The following ARHGEF9 variants were observed in gnomAD, a reference collection of about 807,000 sequenced individuals.
ARHGEF9 encodes Cdc42 guanine nucleotide exchange factor 9.
ARHGEF9 carries 2 observed loss-of-function variants against 41.3 expected under a neutral mutation model. That is an observed-to-expected ratio of 0.05 (90% CI 0.02 to 0.15). The LOEUF (loss-of-function observed/expected upper bound fraction) is 0.15, where lower values mean the gene tolerates loss of function less well. ARHGEF9 is among the 10% of genes least tolerant of loss of function. The probability of loss-of-function intolerance (pLI) is 1.00; values close to 1 mark genes in which losing one functional copy is unlikely to be tolerated. For synonymous variants in ARHGEF9, 160 were observed against 154.4 expected (o/e 1.04, Z -0.27); for missense variants, 225 against 424.7 (o/e 0.53, Z 4.13).
chrX:63,748,746 C>A (rs2055428055), intron 1 of ARHGEF9, among the ~76,000 whole-genome samples: 1 of 111,761 alleles, frequency 8.9e-6, no homozygotes, highest in Admixed American at 9.4e-5. Context: ...GGGGACCTGG[C>A]ATGGGTATTT....
intron 9 of ARHGEF9, chrX:63,642,015 C>A (rs2047667530): frequency 8.8e-6 from 1 of 113,139 alleles, no homozygotes; most frequent in Non-Finnish European, 1.8e-5. Context: ...GACTTCCTTG[C>A]TCCTCAGCTT....
Position 63,655,588 on chromosome X carries a change from T to A in ARHGEF9, c.1227A>T (p.Ile409=). 1 of 1,211,564 alleles carries A rather than the reference T, an allele frequency of 8.3e-7. No homozygotes were observed. The highest frequency in any genetic ancestry group is 1.8e-5 in the South Asian group (1 of 56,978). The part of the protein sequence containing the change: ...FKLHNKETEE[I]HLFFAKKLEE... ...CCAGCTTCTTGGCAAAGAACAGATG[T>A]ATCTCCTCAGTCTCCTTGTTGTGAA... Residue 409 remains isoleucine (I), a synonymous_variant, in exon 8 of 10, where the codon ATA becomes ATT. Transcript: ENST00000671741.
chrX:63,778,892 T>C (rs1192000086), intron 1 of ARHGEF9, among the ~76,000 whole-genome samples: 8 of 112,395 alleles, frequency 7.1e-5, no homozygotes, highest in Non-Finnish European at 1.3e-4. Context: ...GTCAAAACCA[T>C]TCAGTGGTTG....
chrX:63,750,468 T>C (rs186990807), intron 1 of ARHGEF9, among the ~76,000 whole-genome samples: 7 of 111,366 alleles, frequency 6.3e-5, no homozygotes, highest in Admixed American at 4.7e-4. Flanking sequence ...CGTCAGAAAC[T>C]ACTACACCAA....
At chrX:63,647,895 G>C (rs2048231123) in intron 8 of ARHGEF9, among the ~76,000 whole-genome samples, 1 of 110,905 alleles carries the variant, frequency 9.0e-6, no homozygotes, top group Non-Finnish European at 1.9e-5. Context: ...ATTAATTATT[G>C]CCTCAATTTT....
chrX:63,776,813 A>G (rs782503999), intron 1 of ARHGEF9, among the ~76,000 whole-genome samples: 1 of 112,001 alleles, frequency 8.9e-6, no homozygotes, highest in Admixed American at 9.5e-5. Flanking sequence ...CCCAAGCTGT[A>G]CGGCACTTTT....
At chrX:63,711,126 A>G (rs1323834173) in intron 2 of ARHGEF9, among the ~76,000 whole-genome samples, 3 of 112,005 alleles carry the variant, frequency 2.7e-5, no homozygotes, top group Non-Finnish European at 5.7e-5. Context: ...GTCTTATACA[A>G]TGAAAACTGC....
intron 8 of ARHGEF9, among the ~76,000 whole-genome samples, chrX:63,648,321 C>T (rs1556319488): frequency 9.0e-6 from 1 of 111,145 alleles, no homozygotes; most frequent in African/African-American, 3.3e-5. Flanking sequence ...AAATAATTTT[C>T]AACCCAGAAT....
chrX:63,697,345 C>T, intron 3 of ARHGEF9, 41 bp from the exon 4 acceptor site: 1 of 1,169,840 alleles, frequency 8.5e-7, no homozygotes, highest in South Asian at 1.8e-5. Context: ...AAGTCCCTGA[C>T]TTCCAGAAGG....
At chrX:63,705,583 C>T (rs1227691721) in intron 3 of ARHGEF9, among the ~76,000 whole-genome samples, 1 of 110,576 alleles carries the variant, frequency 9.0e-6, no homozygotes, top group Non-Finnish European at 1.9e-5. Context: ...AGAGAGACAG[C>T]TCTTGGGGAA....
At chrX:63,756,415 A>T (rs1434993760) in intron 1 of ARHGEF9, among the ~76,000 whole-genome samples, 2 of 112,566 alleles carry the variant, frequency 1.8e-5, no homozygotes, top group African/African-American at 6.5e-5. Flanking sequence ...GAAGATGGAA[A>T]CAATTCAAAT....
At chrX:63,691,831 AAG>A (rs1161481954) in intron 4 of ARHGEF9, among the ~76,000 whole-genome samples, 9 of 111,316 alleles carry the variant, frequency 8.1e-5, no homozygotes, top group Non-Finnish European at 1.7e-4. Flanking sequence ...GTAACCAAAA[AAG>A]CATGGTACTG....
At chrX:63,775,726 A>G (rs190010834) in intron 1 of ARHGEF9, among the ~76,000 whole-genome samples, 1 of 111,948 alleles carries the variant, frequency 8.9e-6, no homozygotes, top group East Asian at 2.8e-4. Flanking sequence ...ATTGAGTAAT[A>G]TGCTTATTAC....
intron 1 of ARHGEF9, among the ~76,000 whole-genome samples, chrX:63,770,598 C>G (rs113511214): frequency 1.6e-3 from 184 of 111,816 alleles, no homozygotes; most frequent in African/African-American, 5.6e-3. Context: ...TGGGAGGGAC[C>G]AAGGGCGGAA....
chrX:63,754,353 C>A, intron 1 of ARHGEF9: 1 of 1,209,470 alleles, frequency 8.3e-7, no homozygotes, highest in Non-Finnish European at 1.1e-6. Context: ...AAAACGTTTT[C>A]CCCCCTGAGT....
intron 9 of ARHGEF9, among the ~76,000 whole-genome samples, chrX:63,643,328 C>T (rs1556308401): frequency 1.8e-5 from 2 of 110,009 alleles, no homozygotes; most frequent in Non-Finnish European, 3.8e-5. Context: ...TGCCTCCAGA[C>T]CGGTGACAGA....
In ARHGEF9 at chrX:63,645,818, T is replaced by C. The variant is rs782008440; in HGVS notation, c.1322-1770A>G. 1.2e-4 allele frequency among the ~76,000 whole-genome samples: 13 copies of C among 112,129 alleles called. No individual in the cohort carries two copies. The South Asian group carries it at 3.4e-3, about 29-fold the overall frequency. On this transcript the variant is annotated intron_variant, in intron 8 of 9. Coordinates refer to ENST00000671741, the MANE Select transcript of ARHGEF9 (RefSeq NM_001353921.2). ...GGAATCACCACACTGACTTCCACAATGGTTGAACTAGTTTACAGTCCCACC... is the reference window on the plus strand; with the variant it reads ...GGAATCACCACACTGACTTCCACAACGGTTGAACTAGTTTACAGTCCCACC...
At chrX:63,757,497 A>T (rs782671215) in intron 1 of ARHGEF9, among the ~76,000 whole-genome samples, 1 of 111,773 alleles carries the variant, frequency 8.9e-6, no homozygotes, top group Non-Finnish European at 1.9e-5. Context: ...TCTCCTGGGA[A>T]TGGCAGTCAC....
intron 8 of ARHGEF9, among the ~76,000 whole-genome samples, chrX:63,647,544 C>T (rs1221584505): frequency 9.0e-6 from 1 of 111,597 alleles, no homozygotes; most frequent in East Asian, 2.8e-4. Flanking sequence ...TATTGATTTG[C>T]ATATGTTGAA....
Sources: gnomAD v4.1 joint callset for allele counts (sites outside exome capture counted in the v4.1 genomes callset) on GRCh38, gnomAD v4.1.1 for gene constraint, MANE v1.5 for transcripts, NCBI Gene and HGNC (gene_info 2026-07-23, HGNC 2026-07-21) for gene names.